ZFAND3: variants seen among roughly 807,000 people sequenced by gnomAD.
ZFAND3 encodes AN1-type zinc finger protein 3.
In ZFAND3, 10 loss-of-function variants were observed where a neutral mutation model predicts 29.6. The ratio of observed to expected loss-of-function variants is 0.34; its 90% CI spans 0.21 to 0.57. ZFAND3 has a LOEUF of 0.57. Among genes scored for constraint, ZFAND3 ranks in the 20% least tolerant of loss-of-function variants. The probability of loss-of-function intolerance (pLI) is 0.86; values close to 1 mark genes in which losing one functional copy is unlikely to be tolerated. For missense variants in ZFAND3, 230 were observed against 304.5 expected (o/e 0.76, Z 1.82); for synonymous variants, 128 against 112.6 (o/e 1.14, Z -0.87).
chr6:37,928,041 A>T (rs936410370), intron 1 of ZFAND3, among the ~76,000 whole-genome samples: 1 of 152,140 alleles, frequency 6.6e-6, no homozygotes, highest in Non-Finnish European at 1.5e-5. Flanking sequence ...ACATCTCTTT[A>T]TCTTTTTACT....
In ZFAND3 at chr6:38,041,181, C is replaced by T. The variant is rs944378226; in HGVS notation, c.113-20412C>T. Among the ~76,000 whole-genome samples the T allele has an allele frequency of 1.1e-4, 16 of 152,120 alleles. 1 individual carries two copies. Among genetic ancestry groups the T allele is most frequent in the African/African-American group, 3.4e-4 (14 of 41,424 alleles). On this transcript the variant is annotated intron_variant, in intron 2 of 5. Transcript: ENST00000287218. The stretch of plus-strand genomic sequence containing the variant: ...AATTACGCATTTTAGGGAGCAATAT[C>T]ACAAAAGTAATGTGTGTCTGTAGTG...
chr6:38,121,102 C>G (rs1256333104), intron 5 of ZFAND3, among the ~76,000 whole-genome samples: 1 of 152,148 alleles, frequency 6.6e-6, no homozygotes, highest in Non-Finnish European at 1.5e-5. Context: ...GCCTGTAATC[C>G]CAACACTTTA....
intron 4 of ZFAND3, among the ~76,000 whole-genome samples, chr6:38,115,454 AAC>A (rs1181014053): frequency 2.6e-5 from 4 of 152,178 alleles, no homozygotes; most frequent in African/African-American, 9.7e-5. Flanking sequence ...CTTGATTTTT[AAC>A]AGAGTCACTT....
At chr6:38,092,648 A>G (rs912094314) in intron 4 of ZFAND3, among the ~76,000 whole-genome samples, 1 of 152,188 alleles carries the variant, frequency 6.6e-6, no homozygotes, top group African/African-American at 2.4e-5. Flanking sequence ...GAAAACTTCA[A>G]ATGTGACTTG....
intron 1 of ZFAND3, among the ~76,000 whole-genome samples, chr6:37,840,868 C>T (rs1256995109): frequency 6.6e-6 from 1 of 152,040 alleles, no homozygotes; most frequent in Non-Finnish European, 1.5e-5. Flanking sequence ...GCTAAACAAA[C>T]AGAAAAGAGA....
intron 4 of ZFAND3, among the ~76,000 whole-genome samples, chr6:38,101,231 C>T (rs1476258298): frequency 6.6e-6 from 1 of 152,140 alleles, no homozygotes; most frequent in East Asian, 1.9e-4. Flanking sequence ...GCTCATTTTG[C>T]AAATGGAGTT....
chr6:38,144,211 A>ATATAATTATATATATAT (rs70981524), intron 5 of ZFAND3, among the ~76,000 whole-genome samples: 1 of 45,880 alleles, frequency 2.2e-5, no homozygotes, highest in African/African-American at 1.2e-4. Flanking sequence ...ATATATATAT[A>ATATAATTATATATATAT]ATATATAATA....
intron 5 of ZFAND3, among the ~76,000 whole-genome samples, chr6:38,136,055 C>T (rs1345613686): frequency 6.6e-6 from 1 of 152,014 alleles, no homozygotes; most frequent in Non-Finnish European, 1.5e-5. Flanking sequence ...GGAGGCGGGG[C>T]AAAAATGGAG....
chr6:38,013,464 A>G lies in ZFAND3; in HGVS notation c.113-48129A>G, dbSNP rs187635623. Among the ~76,000 whole-genome samples the G allele has an allele frequency of 1.6e-4, 24 of 152,284 alleles. No homozygotes were observed. The East Asian group carries it at 2.3e-3, about 15-fold the overall frequency. Reference sequence around the variant, plus strand: ...GTACATACTGCCGTCTGTTGTAGTTATTTGTGTGTATTGCCTATTTCCTAG... The same window carrying G: ...GTACATACTGCCGTCTGTTGTAGTTGTTTGTGTGTATTGCCTATTTCCTAG... On this transcript the variant is annotated intron_variant, in intron 2 of 5. Coordinates refer to ENST00000287218, the MANE Select transcript of ZFAND3 (RefSeq NM_021943.3).
intron 5 of ZFAND3, among the ~76,000 whole-genome samples, chr6:38,144,194 T>TTATATATATATA: frequency 3.1e-5 from 1 of 32,266 alleles, no homozygotes; most frequent in East Asian, 3.6e-4. Flanking sequence ...AATATATATA[T>TTATATATATATA]ATATATATAT....
At chr6:38,057,723 A>G (rs532349281) in intron 2 of ZFAND3, among the ~76,000 whole-genome samples, 1 of 152,274 alleles carries the variant, frequency 6.6e-6, no homozygotes, top group South Asian at 2.1e-4. Flanking sequence ...GAAAATTCTA[A>G]CTCAGTTTCT....
intron 1 of ZFAND3, among the ~76,000 whole-genome samples, chr6:37,908,767 T>A (rs1310395079): frequency 6.7e-6 from 1 of 148,728 alleles, no homozygotes; most frequent in Non-Finnish European, 1.5e-5. Context: ...AAAAGAAAAG[T>A]TTGATCACTT....
chr6:37,914,682 TAGTGGAGACGGGG>T (rs1761205397), intron 1 of ZFAND3, among the ~76,000 whole-genome samples: 1 of 147,800 alleles, frequency 6.8e-6, no homozygotes. Flanking sequence ...CTTTTTTTTT[TAGTGGAGACGGGG>T]TTTCGCTGTG....
At chr6:38,099,982 A>G (rs1021389876) in intron 4 of ZFAND3, among the ~76,000 whole-genome samples, 1 of 152,216 alleles carries the variant, frequency 6.6e-6, no homozygotes. Context: ...CCAGCTTGGC[A>G]TTAACTGATA....
intron 5 of ZFAND3, among the ~76,000 whole-genome samples, chr6:38,135,558 A>G (rs2127493012): frequency 6.6e-6 from 1 of 152,272 alleles, no homozygotes; most frequent in East Asian, 1.9e-4. Flanking sequence ...AAACCTGACC[A>G]ATATGGTGAA....
intron 1 of ZFAND3, among the ~76,000 whole-genome samples, chr6:37,899,985 C>T (rs1026710420): frequency 1.3e-5 from 2 of 152,046 alleles, no homozygotes; most frequent in Non-Finnish European, 2.9e-5. Flanking sequence ...TGTTTTATAA[C>T]AGTGTATGTA....
chr6:37,911,072 C>T (rs1765512330), intron 1 of ZFAND3, among the ~76,000 whole-genome samples: 1 of 152,164 alleles, frequency 6.6e-6, no homozygotes, highest in Non-Finnish European at 1.5e-5. Context: ...AGTGGAATTG[C>T]TGGCTCAATT....
chr6:38,089,534 C>T (rs1277593541), intron 4 of ZFAND3, among the ~76,000 whole-genome samples: 3 of 152,316 alleles, frequency 2.0e-5, no homozygotes, highest in East Asian at 3.9e-4. Flanking sequence ...ATGTGCTGAA[C>T]ACTTTCACAT....
At chr6:38,039,370 A>G (rs904674929) in intron 2 of ZFAND3, among the ~76,000 whole-genome samples, 2 of 152,186 alleles carry the variant, frequency 1.3e-5, no homozygotes, top group Non-Finnish European at 2.9e-5. Flanking sequence ...AAACATACCT[A>G]AGGTCATGGA....
Sources: gnomAD v4.1 joint callset for allele counts (sites outside exome capture counted in the v4.1 genomes callset) on GRCh38, gnomAD v4.1.1 for gene constraint, MANE v1.5 for transcripts, NCBI Gene and HGNC (gene_info 2026-07-23, HGNC 2026-07-21) for gene names.